Variants in MGAM2 observed in about 807,000 individuals in gnomAD.
MGAM2 encodes the protein probable maltase-glucoamylase 2.
In MGAM2, 98 loss-of-function variants were observed where a neutral mutation model predicts 96.1. That is an observed-to-expected ratio of 1.02 (90% confidence interval 0.87 to 1.21). MGAM2 has a LOEUF of 1.21. MGAM2 is among the 50% of genes most tolerant of loss of function. The pLI is 0.00. For missense variants in MGAM2, 2,055 were observed against 1,182.4 expected (o/e 1.74, Z -10.82); for synonymous variants, 749 against 414.8 (o/e 1.81, Z -9.79).
chr7:142,219,225 G>C (rs1045032489), intron 47 of MGAM2, among the ~76,000 whole-genome samples: 2 of 152,134 alleles, frequency 1.3e-5, no homozygotes, highest in African/African-American at 2.4e-5. Flanking sequence ...GTTTAGAAAA[G>C]TGAAAATGGA....
chr7:142,222,028 C>A lies in MGAM2; in HGVS notation c.7517C>A (p.Ala2506Glu). The A allele has an allele frequency of 2.5e-6, 1 of 398,312 alleles. No individual in the cohort carries two copies. The allele number at this position is 398,312 out of a possible 1,614,324, so 24.7% of individuals were successfully genotyped here. A position where few individuals can be genotyped will look rare whatever the true frequency, so the allele number is the denominator to read the frequency against. ...HTSATAPTYI[A>E]NAINATQVP Reference sequence around the variant, plus strand: ...TCTGCTACTGCACCTACTTATATTGCAAATGCCATAAATGCTACTCAAGTT... The same window carrying A: ...TCTGCTACTGCACCTACTTATATTGAAAATGCCATAAATGCTACTCAAGTT... The change falls in exon 48 of 48, where the codon GCA (alanine) becomes GAA (glutamate). Residue 2506 changes from alanine (A) to glutamate (E), a missense_variant. Ala to Glu is a moderately radical substitution (Grantham distance 107, BLOSUM62 -1). Coordinates refer to ENST00000477922, the MANE Select transcript of MGAM2 (RefSeq NM_001293626.2).
chr7:142,135,469 A>G (rs1430855304), intron 7 of MGAM2, among the ~76,000 whole-genome samples: 2 of 151,988 alleles, frequency 1.3e-5, no homozygotes, highest in Non-Finnish European at 2.9e-5. Context: ...GTATTTTAAA[A>G]ATTTTGTCTG....
At chr7:142,188,848 C>T (rs967022272) in intron 36 of MGAM2, among the ~76,000 whole-genome samples, 3 of 152,168 alleles carry the variant, frequency 2.0e-5, no homozygotes, top group African/African-American at 7.2e-5. Flanking sequence ...TGTCTGAGCA[C>T]ATTTAAGGTA....
At chr7:142,130,120 A>G (rs114922214) in intron 3 of MGAM2, among the ~76,000 whole-genome samples, 3,216 of 152,272 alleles carry the variant, frequency 0.021, 123 homozygotes, top group African/African-American at 0.073. Flanking sequence ...ATCTTGCTAA[A>G]TAACACCAAA....
At chr7:142,191,602 C>CTA (rs1301979265) in intron 37 of MGAM2, among the ~76,000 whole-genome samples, 6 of 150,728 alleles carry the variant, frequency 4.0e-5, no homozygotes, top group South Asian at 4.2e-4. Flanking sequence ...CTCTCTCTCT[C>CTA]TATATATATA....
rs1000432738 is a variant in MGAM2 at position 142,154,725 on chromosome 7, C to T, written c.1807-4C>T. ...CAGTGCTTGTATGTGTGCTAATTCT[C>T]CAGGTAGGTGCCAACATCTGTGGTT... On this transcript the variant is annotated splice_region_variant and splice_polypyrimidine_tract_variant and intron_variant, in intron 16 of 47. Transcript: ENST00000477922. 8 of 702,912 alleles carry T rather than the reference C, an allele frequency of 1.1e-5. No individual in the cohort carries two copies. The African/African-American group carries it at 1.2e-4, about 11-fold the overall frequency. 43.5% of individuals were successfully genotyped at this position (702,912 alleles called of 1,614,324 possible).
chr7:142,149,744 C>CCT (rs879850368), intron 15 of MGAM2, among the ~76,000 whole-genome samples: 1 of 151,190 alleles, frequency 6.6e-6, no homozygotes, highest in Non-Finnish European at 1.5e-5. Context: ...GGTTTCACAG[C>CCT]GTTAGCCAGG....
In MGAM2 at chr7:142,154,061, T is replaced by C. The variant is rs1274271687; in HGVS notation, c.1678T>C (p.Ser560Pro). 1.9e-5 allele frequency: 13 copies of C among 695,068 alleles called. No individual in the cohort carries two copies. In the Admixed American group the frequency reaches 2.6e-4, roughly 14 times the overall value. The allele number at this position is 695,068 out of a possible 1,614,324, so 43.1% of individuals were successfully genotyped here. Residue 560 changes from serine to proline, a missense_variant, in exon 16 of 48, where the codon TCC becomes CCC. Ser to Pro is a moderately conservative substitution (Grantham distance 74). Transcript: ENST00000477922. ...IFMNNRSFIL[S>P]RSTFAGSGKF... ...CATGAATAATAGGAGCTTCATCTTA[T>C]CCCGTTCTACTTTTGCTGGATCTGG...
At chr7:142,190,229 A>C (rs1307527619) in intron 37 of MGAM2, among the ~76,000 whole-genome samples, 2 of 151,470 alleles carry the variant, frequency 1.3e-5, no homozygotes, top group African/African-American at 4.8e-5. Context: ...ATTTTGAAGA[A>C]ATATCAAGCT....
intron 3 of MGAM2, among the ~76,000 whole-genome samples, chr7:142,129,013 A>G (rs939303356): frequency 1.3e-5 from 2 of 152,210 alleles, no homozygotes; most frequent in African/African-American, 4.8e-5. Context: ...AAAGCAGCCA[A>G]GAGGGGGGCT....
chr7:142,144,819 C>A (rs1795336534), intron 13 of MGAM2, 42 bp from the exon 14 acceptor site: 1 of 683,558 alleles, frequency 1.5e-6, no homozygotes, highest in African/African-American at 1.8e-5. Flanking sequence ...CTAAATGTAG[C>A]TCAATCGCAT....
chr7:142,175,559 A>C (rs1047429262), intron 31 of MGAM2, 93 bp from the exon 32 acceptor site: 6 of 639,462 alleles, frequency 9.4e-6, no homozygotes, highest in Middle Eastern at 4.0e-4. Context: ...TGGGGCAGGC[A>C]GGCAGCAGGA....
At chr7:142,176,311 C>T (rs895376310) in intron 32 of MGAM2, among the ~76,000 whole-genome samples, 5 of 152,180 alleles carry the variant, frequency 3.3e-5, no homozygotes, top group African/African-American at 1.2e-4. Context: ...TAGGAAGCCA[C>T]ATCTTGACAA....
At chr7:142,181,745 A>G (rs1320987409) in intron 32 of MGAM2, among the ~76,000 whole-genome samples, 1 of 152,118 alleles carries the variant, frequency 6.6e-6, no homozygotes, top group African/African-American at 2.4e-5. Flanking sequence ...TCTGGGGGTG[A>G]TCTGTTGACG....
At position 142,156,025 on chromosome 7, in the gene MGAM2, A is replaced by G. The variant is rs750220808; in HGVS notation, c.1923+1180A>G. Among the ~76,000 whole-genome samples the G allele has an allele frequency of 5.2e-4, 79 of 152,190 alleles. No homozygotes were observed. The Middle Eastern group carries it at 0.017, about 33-fold the overall frequency. Reference sequence around the variant, plus strand: ...CTGGGTGTGGTGGCGCATGCCTGTAATCCCAGCTACTTGGGAGGCTGAGGC... The same window carrying G: ...CTGGGTGTGGTGGCGCATGCCTGTAGTCCCAGCTACTTGGGAGGCTGAGGC... On this transcript the variant is annotated intron_variant, in intron 17 of 47. Coordinates refer to ENST00000477922, the MANE Select transcript of MGAM2 (RefSeq NM_001293626.2).
At chr7:142,194,543 C>T (rs146792651) in intron 37 of MGAM2, among the ~76,000 whole-genome samples, 181 of 152,282 alleles carry the variant, frequency 1.2e-3, no homozygotes, top group African/African-American at 4.1e-3. Context: ...CTTTATCACA[C>T]ATACATACAT....
rs1375349316 is a variant in MGAM2 at position 142,132,771 on chromosome 7, T to C, written c.575+686T>C. 8.0e-5 allele frequency among the ~76,000 whole-genome samples: 10 copies of C among 125,530 alleles called. No individual in the cohort carries two copies. The South Asian group carries it at 1.6e-3, about 21-fold the overall frequency. 82.4% of individuals were successfully genotyped at this position (125,530 alleles called of 152,430 possible). A position where few individuals can be genotyped will look rare whatever the true frequency, so the allele number is the denominator to read the frequency against. ...ATATAATATATAATATATAATTATA[T>C]AATATAATATATAATTACATGTCAT... On this transcript the variant is annotated intron_variant, in intron 6 of 47. Coordinates refer to ENST00000477922, the MANE Select transcript of MGAM2 (RefSeq NM_001293626.2).
rs573695690 is a variant in MGAM2 at position 142,160,267 on chromosome 7, C to T, written c.2345+9C>T. The T allele has an allele frequency of 2.7e-5, 19 of 694,114 alleles. No homozygotes were observed. Among genetic ancestry groups the T allele is most frequent in the Middle Eastern group, 2.3e-4 (1 of 4,318 alleles). The allele number at this position is 694,114 out of a possible 1,614,324, so 43.0% of individuals were successfully genotyped here. ...ACAACCACAGAAGCCAGGTAAGCTC[C>T]TTACTCTTCTAAGGTATGACTATTC... On this transcript the variant is annotated intron_variant, in intron 21 of 47. Transcript: ENST00000477922.
chr7:142,149,764 A>G (rs1433538949), intron 15 of MGAM2, among the ~76,000 whole-genome samples: 1 of 151,638 alleles, frequency 6.6e-6, no homozygotes, highest in Non-Finnish European at 1.5e-5. Flanking sequence ...GATGGTCTCC[A>G]TCTCCTGACC....
Sources: allele counts gnomAD v4.1 joint callset (sites outside exome capture counted in the v4.1 genomes callset), GRCh38; gene constraint gnomAD v4.1.1; transcripts MANE v1.5; gene names NCBI Gene and HGNC (gene_info 2026-07-23, HGNC 2026-07-21).